IGFL2: variants seen among roughly 807,000 people sequenced by gnomAD.
The protein encoded by IGFL2 is insulin growth factor-like family member 2.
In IGFL2, 7 loss-of-function variants were observed where a neutral mutation model predicts 13.9. That is an observed-to-expected ratio of 0.51 (90% CI 0.29 to 0.95). The LOEUF is 0.95. IGFL2 is among the 40% of genes least tolerant of loss of function. IGFL2 has a pLI of 0.08. For synonymous variants in IGFL2, 55 were observed against 55.8 expected (o/e 0.99, Z 0.07); for missense variants, 138 against 147.8 (o/e 0.93, Z 0.34).
At chr19:46,087,189 G>A in the IGFL2 span, among the ~76,000 whole-genome samples, 1 of 152,154 alleles carries the variant, frequency 6.6e-6, no homozygotes, top group African/African-American at 2.4e-5. Context: ...TAAGTAGCAT[G>A]GGCAATGGCA....
chr19:46,162,941 C>T (rs1974230819), downstream of IGFL2, among the ~76,000 whole-genome samples: 1 of 152,178 alleles, frequency 6.6e-6, no homozygotes, highest in South Asian at 2.1e-4. Flanking sequence ...TTTCTTTAAC[C>T]ACAGTGTAGA....
the IGFL2 span, among the ~76,000 whole-genome samples, chr19:46,199,244 G>A: frequency 6.6e-6 from 1 of 152,360 alleles, no homozygotes; most frequent in South Asian, 2.1e-4. Context: ...TAGAAAGTGA[G>A]ATGGGAGAAT....
chr19:46,201,021 TAA>T, the IGFL2 span, among the ~76,000 whole-genome samples: 1 of 152,134 alleles, frequency 6.6e-6, no homozygotes, highest in Non-Finnish European at 1.5e-5. Flanking sequence ...TACCACCCAA[TAA>T]AATGTTGCCA....
the IGFL2 span, among the ~76,000 whole-genome samples, chr19:46,183,188 A>G: frequency 2.0e-5 from 3 of 152,124 alleles, no homozygotes; most frequent in Non-Finnish European, 2.9e-5. Flanking sequence ...GACGTGCCAC[A>G]TTTTTAAACC....
the IGFL2 span, among the ~76,000 whole-genome samples, chr19:46,105,611 A>G: frequency 0.11 from 16,865 of 152,222 alleles, 1,204 homozygotes; most frequent in African/African-American, 0.19. Context: ...TGCAGACTCA[A>G]CAAAGAGTGA....
At position 46,160,852 on chromosome 19, in the gene IGFL2, C is replaced by T. The variant is rs1278151666; in HGVS notation, c.312C>T (p.His104=). Residue 104 remains histidine (H), a synonymous_variant, in exon 3 of 4, where the codon CAC becomes CAT. Coordinates refer to ENST00000377693, the MANE Select transcript of IGFL2 (RefSeq NM_001135113.2). Reference sequence around the variant, plus strand: ...TTCAGGGTGTGAATTCCCAGTGCCACTCATCTCCCATCTCCAGTAAATGTG... The same window carrying T: ...TTCAGGGTGTGAATTCCCAGTGCCATTCATCTCCCATCTCCAGTAAATGTG... The part of the protein sequence containing the change: ...LKVQGVNSQC[H]SSPISSKCES... 10 of 1,613,962 alleles carry T rather than the reference C, an allele frequency of 6.2e-6. No homozygotes were observed. Among genetic ancestry groups the T allele is most frequent in the South Asian group, 2.2e-5 (2 of 91,084 alleles).
chr19:46,142,317 T>A (rs1487580139), upstream of IGFL2, among the ~76,000 whole-genome samples: 1 of 152,216 alleles, frequency 6.6e-6, no homozygotes, highest in Non-Finnish European at 1.5e-5. Flanking sequence ...AAAATAATAA[T>A]GTTCCTAGCC....
At chr19:46,176,783 T>A in the IGFL2 span, among the ~76,000 whole-genome samples, 1 of 151,896 alleles carries the variant, frequency 6.6e-6, no homozygotes, top group Non-Finnish European at 1.5e-5. Flanking sequence ...CGGACCACAC[T>A]CCCCCCAGCC....
chr19:46,125,237 G>A, the IGFL2 span, among the ~76,000 whole-genome samples: 1 of 152,198 alleles, frequency 6.6e-6, no homozygotes, highest in Admixed American at 6.5e-5. Flanking sequence ...AAGGGGGTAG[G>A]GGTGGAGAAT....
At chr19:46,143,985 C>G (rs371901882), upstream of IGFL2, among the ~76,000 whole-genome samples, 1 of 152,236 alleles carries the variant, frequency 6.6e-6, no homozygotes, top group East Asian at 1.9e-4. Context: ...GGGCCCACCT[C>G]TCACCTCTGT....
chr19:46,094,503 CT>C, the IGFL2 span, among the ~76,000 whole-genome samples: 28 of 146,716 alleles, frequency 1.9e-4, no homozygotes, highest in Middle Eastern at 3.5e-3. Flanking sequence ...TTTTCTTTTT[CT>C]TTTTTTTTTG....
At chr19:46,095,149 A>G in the IGFL2 span, among the ~76,000 whole-genome samples, 1 of 152,210 alleles carries the variant, frequency 6.6e-6, no homozygotes, top group Non-Finnish European at 1.5e-5. Flanking sequence ...CACCAACAGT[A>G]TAAAAGCATT....
At chr19:46,170,803 C>T in the IGFL2 span, among the ~76,000 whole-genome samples, 1 of 152,172 alleles carries the variant, frequency 6.6e-6, no homozygotes, top group Non-Finnish European at 1.5e-5. Context: ...TAGGAAATTC[C>T]AGCCTGGCGA....
At chr19:46,112,503 T>C in the IGFL2 span, among the ~76,000 whole-genome samples, 2 of 152,222 alleles carry the variant, frequency 1.3e-5, no homozygotes. Context: ...TTGGATGTGA[T>C]ACCAGAACTG....
At chr19:46,080,464 T>C in the IGFL2 span, among the ~76,000 whole-genome samples, 3 of 152,336 alleles carry the variant, frequency 2.0e-5, no homozygotes, top group South Asian at 6.2e-4. Flanking sequence ...TTAAATTCTG[T>C]GAGTCATGGC....
At chr19:46,191,565 T>C in the IGFL2 span, among the ~76,000 whole-genome samples, 1 of 152,190 alleles carries the variant, frequency 6.6e-6, no homozygotes, top group African/African-American at 2.4e-5. Flanking sequence ...TGTCATACTT[T>C]GGATTGAGTT....
downstream of IGFL2, chr19:46,163,831 G>C (rs1974270811): frequency 6.6e-6 from 1 of 152,338 alleles, no homozygotes; most frequent in African/African-American, 2.4e-5. Context: ...GCCTGCTCCA[G>C]TCCTTAGTTG....
chr19:46,168,882 A>G, the IGFL2 span, among the ~76,000 whole-genome samples: 2 of 150,130 alleles, frequency 1.3e-5, no homozygotes, highest in African/African-American at 4.9e-5. Flanking sequence ...TTTTTTCCTG[A>G]ATAGATCAGT....
chr19:46,200,324 T>G, the IGFL2 span, among the ~76,000 whole-genome samples: 1 of 151,882 alleles, frequency 6.6e-6, no homozygotes, highest in Admixed American at 6.6e-5. Context: ...CATGACATTA[T>G]GCCCGGCTAA....
Sources: gnomAD v4.1 joint callset for allele counts (sites outside exome capture counted in the v4.1 genomes callset) on GRCh38, gnomAD v4.1.1 for gene constraint, MANE v1.5 for transcripts, NCBI Gene and HGNC (gene_info 2026-07-23, HGNC 2026-07-21) for gene names.